The following AMOTL1 variants were observed in gnomAD, a reference collection of about 807,000 sequenced individuals.
AMOTL1 encodes angiomotin like 1, also known as angiomotin-like protein 1.
In AMOTL1, 45 loss-of-function variants were observed where a neutral mutation model predicts 102.9. The observed-to-expected ratio is 0.44, with a 90% CI of 0.34 to 0.56. The LOEUF (loss-of-function observed/expected upper bound fraction) is 0.56. Among genes scored for constraint, AMOTL1 ranks in the 20% least tolerant of loss-of-function variants. The pLI is 0.01. For missense variants in AMOTL1, 1,114 were observed against 1,225.6 expected, an observed-to-expected ratio of 0.91 and a Z score of 1.36; for synonymous variants, 481 against 484.7, an observed-to-expected ratio of 0.99 and a Z score of 0.10.
At chr11:94,868,992 A>G (rs1952938047) in intron 11 of AMOTL1, among the ~76,000 whole-genome samples, 1 of 151,318 alleles carries the variant, frequency 6.6e-6, no homozygotes, top group African/African-American at 2.4e-5. Flanking sequence ...ACAATTTTTT[A>G]GGAAGGGGAC....
chr11:94,768,283 G>A (rs1403059012), upstream of AMOTL1: 1 of 1,293,838 alleles, frequency 7.7e-7, no homozygotes, highest in Admixed American at 4.1e-5. Context: ...GTGGAGTGTA[G>A]GGTTCTAGTG....
At chr11:94,752,165 T>C (rs1950663986) in intron 3 of AMOTL1, among the ~76,000 whole-genome samples, 1 of 152,174 alleles carries the variant, frequency 6.6e-6, no homozygotes. Flanking sequence ...CTCTCTCTCC[T>C]GCTCACCCCC....
chr11:94,814,228 C>T lies in AMOTL1; in HGVS notation c.1122-7302C>T, dbSNP rs552476749. ...GTGCTTTCTTGATGCCAGCATACGT[C>T]ATCAGTGATGGTGACTAGTTACCTG... On this transcript the variant is annotated intron_variant, in intron 3 of 12. Coordinates refer to ENST00000433060, the MANE Select transcript of AMOTL1 (RefSeq NM_130847.3). 6.6e-5 allele frequency among the ~76,000 whole-genome samples: 10 copies of T among 152,270 alleles called. No homozygotes were observed. In the South Asian group the frequency reaches 1.9e-3, roughly 28 times the overall value.
intron 11 of AMOTL1, chr11:94,866,732 G>C (rs1482712466): frequency 6.1e-6 from 1 of 163,578 alleles, no homozygotes. Context: ...GATAATGGGG[G>C]GAGGACAGTG....
At chr11:94,801,847 A>G (rs1412239606) in intron 3 of AMOTL1, among the ~76,000 whole-genome samples, 1 of 152,208 alleles carries the variant, frequency 6.6e-6, no homozygotes, top group African/African-American at 2.4e-5. Flanking sequence ...AGGGAACATG[A>G]ACAGAAAAGA....
At chr11:94,746,413 C>T (rs1297281797) in intron 3 of AMOTL1, among the ~76,000 whole-genome samples, 2 of 152,192 alleles carry the variant, frequency 1.3e-5, no homozygotes, top group African/African-American at 4.8e-5. Context: ...GACTGACTCT[C>T]CTCTACCTGG....
intron 8 of AMOTL1, among the ~76,000 whole-genome samples, chr11:94,858,085 G>GTT (rs1268358479): frequency 1.3e-5 from 2 of 152,166 alleles, no homozygotes; most frequent in Non-Finnish European, 2.9e-5. Context: ...AGCTGAGATG[G>GTT]TAACAAAAGG....
At chr11:94,827,208 T>A (rs1241724949) in intron 4 of AMOTL1, among the ~76,000 whole-genome samples, 1 of 152,164 alleles carries the variant, frequency 6.6e-6, no homozygotes, top group Non-Finnish European at 1.5e-5. Flanking sequence ...AGAATTCCAA[T>A]GAGGGAAATA....
intron 7 of AMOTL1, among the ~76,000 whole-genome samples, chr11:94,852,180 T>C (rs1011498919): frequency 3.3e-5 from 5 of 152,194 alleles, no homozygotes; most frequent in African/African-American, 9.7e-5. Flanking sequence ...CCAGTGGAAT[T>C]GAGCAATCAA....
chr11:94,792,584 T>C (rs1013778409), intron 1 of AMOTL1, among the ~76,000 whole-genome samples: 2 of 152,166 alleles, frequency 1.3e-5, no homozygotes, highest in African/African-American at 4.8e-5. Flanking sequence ...ATCTGCTGGG[T>C]CTGTTGTCAT....
chr11:94,803,111 C>G (rs1008709574), intron 3 of AMOTL1, among the ~76,000 whole-genome samples: 2 of 152,188 alleles, frequency 1.3e-5, no homozygotes, highest in African/African-American at 4.8e-5. Flanking sequence ...AATGAGTACT[C>G]AGTAGTTTGG....
chr11:94,728,989 T>C, exon 2 of AMOTL1: 2 of 1,289,044 alleles, frequency 1.6e-6, no homozygotes, highest in Non-Finnish European at 2.0e-6. Flanking sequence ...CAGTGAAAAA[T>C]GGACTTTGGA....
At chr11:94,731,886 G>A (rs1439974495) in intron 2 of AMOTL1, among the ~76,000 whole-genome samples, 2 of 152,112 alleles carry the variant, frequency 1.3e-5, no homozygotes, top group African/African-American at 4.8e-5. Context: ...AACTTGTATT[G>A]CTGGTTATTT....
chr11:94,769,546 C>T (rs1309468765), intron 1 of AMOTL1, among the ~76,000 whole-genome samples: 1 of 152,218 alleles, frequency 6.6e-6, no homozygotes, highest in African/African-American at 2.4e-5. Flanking sequence ...CCTACTCTTC[C>T]TATCTTTACT....
intron 1 of AMOTL1, among the ~76,000 whole-genome samples, chr11:94,727,071 C>T (rs1434968377): frequency 6.6e-6 from 1 of 152,048 alleles, no homozygotes; most frequent in Non-Finnish European, 1.5e-5. Context: ...AAATCTGTTT[C>T]CTGGAAGCCA....
At chr11:94,721,001 A>G in intron 1 of AMOTL1, among the ~76,000 whole-genome samples, 1 of 152,158 alleles carries the variant, frequency 6.6e-6, no homozygotes, top group East Asian at 1.9e-4. Flanking sequence ...AAATTGCTTA[A>G]AGTAAACATG....
chr11:94,779,124 C>G (rs1399045777), intron 1 of AMOTL1, among the ~76,000 whole-genome samples: 1 of 152,156 alleles, frequency 6.6e-6, no homozygotes, highest in African/African-American at 2.4e-5. Context: ...TATTAAACTG[C>G]TACAGTCATC....
At chr11:94,785,559 T>A (rs1008535751) in intron 1 of AMOTL1, among the ~76,000 whole-genome samples, 1 of 152,238 alleles carries the variant, frequency 6.6e-6, no homozygotes, top group African/African-American at 2.4e-5. Flanking sequence ...GTTTAAATTA[T>A]GTAATTCATT....
intron 2 of AMOTL1, among the ~76,000 whole-genome samples, chr11:94,740,656 G>C (rs886093664): frequency 2.2e-4 from 34 of 152,044 alleles, no homozygotes; most frequent in African/African-American, 7.9e-4. Context: ...GCCCGGCCGG[G>C]GGAGCCGCGG....
Sources: allele counts gnomAD v4.1 joint callset (sites outside exome capture counted in the v4.1 genomes callset), GRCh38; gene constraint gnomAD v4.1.1; transcripts MANE v1.5; gene names NCBI Gene and HGNC (gene_info 2026-07-23, HGNC 2026-07-21).